B3GALNT2: variants seen among roughly 807,000 people sequenced by gnomAD.
B3GALNT2 encodes the protein beta-1,3-N-acetylgalactosaminyltransferase 2.
In B3GALNT2, 53 loss-of-function variants were observed where a neutral mutation model predicts 61.1. The observed-to-expected ratio is 0.87, with a 90% CI of 0.70 to 1.09. B3GALNT2 has a LOEUF of 1.09. Among genes scored for constraint, B3GALNT2 ranks in the 50% least tolerant of loss-of-function variants. B3GALNT2 has a pLI of 0.00. For missense variants in B3GALNT2, 544 were observed against 623.0 expected, an observed-to-expected ratio of 0.87 and a Z score of 1.35; for synonymous variants, 223 against 237.4, an observed-to-expected ratio of 0.94 and a Z score of 0.56.
At chr1:235,440,146 AT>A in the B3GALNT2 span, among the ~76,000 whole-genome samples, 1 of 151,772 alleles carries the variant, frequency 6.6e-6, no homozygotes, top group Non-Finnish European at 1.5e-5. Flanking sequence ...AATTTTTTGT[AT>A]TTTTAGTAGG....
At chr1:235,487,148 C>T (rs1055265057) in intron 3 of B3GALNT2, among the ~76,000 whole-genome samples, 1 of 142,912 alleles carries the variant, frequency 7.0e-6, no homozygotes, top group African/African-American at 2.7e-5. Context: ...GTGACAAGAG[C>T]GAAACTCTGT....
At chr1:235,440,198 C>T in the B3GALNT2 span, among the ~76,000 whole-genome samples, 1 of 152,140 alleles carries the variant, frequency 6.6e-6, no homozygotes, top group South Asian at 2.1e-4. Context: ...TCTCGATCTC[C>T]TGACCTTGTG....
intron 2 of B3GALNT2, among the ~76,000 whole-genome samples, chr1:235,493,757 G>A (rs1308884688): frequency 1.3e-5 from 2 of 151,160 alleles, no homozygotes; most frequent in African/African-American, 2.4e-5. Flanking sequence ...TAGCTTGAGC[G>A]ACAGCAAAAC....
chr1:235,499,611 G>A (rs572343532), intron 1 of B3GALNT2, among the ~76,000 whole-genome samples: 29 of 152,328 alleles, frequency 1.9e-4, no homozygotes, highest in Non-Finnish European at 3.8e-4. Flanking sequence ...TCACTGACAA[G>A]AGATGGACAG....
At chr1:235,460,675 G>C (rs536818516) in intron 7 of B3GALNT2, among the ~76,000 whole-genome samples, 1 of 151,548 alleles carries the variant, frequency 6.6e-6, no homozygotes, top group Non-Finnish European at 1.5e-5. Context: ...CTGGGCTCAA[G>C]TGATCCTCCC....
rs1685297614 is a variant in B3GALNT2, at chr1:235,495,928, C to T, written c.113-1100G>A. ...AAAGGCCCAATTAAAATAATAAAAA[C>T]AGATCTTTCTACTAGGATAGTTTTA... On this transcript the variant is annotated intron_variant, in intron 1 of 11. Coordinates refer to ENST00000366600, the MANE Select transcript of B3GALNT2 (RefSeq NM_152490.5). 1.3e-5 allele frequency among the ~76,000 whole-genome samples: 2 copies of T among 152,106 alleles called. 1 individual carries two copies. Among genetic ancestry groups the T allele is most frequent in the South Asian group, 4.1e-4 (2 of 4,828 alleles).
intron 6 of B3GALNT2, among the ~76,000 whole-genome samples, chr1:235,469,037 T>C (rs1242939081): frequency 6.6e-6 from 1 of 152,174 alleles, no homozygotes; most frequent in African/African-American, 2.4e-5. Flanking sequence ...ATCCTAAACA[T>C]GGCCTACAAA....
Position 235,474,973 on chromosome 1 carries a change from ATATATATATATATATTTT to A in B3GALNT2, c.652-4031_652-4014del, listed in dbSNP as rs1253229551. ...GACATATATATATATATATATATAT[ATATATATATATATATTTT>A]TTTTTTTTTTTTTTTTTTTGAGACG... On this transcript the variant is annotated intron_variant, in intron 5 of 11. Coordinates refer to ENST00000366600, the MANE Select transcript of B3GALNT2 (RefSeq NM_152490.5). Among the ~76,000 whole-genome samples, 33 of 29,768 alleles carry A rather than the reference ATATATATATATATATTTT, an allele frequency of 1.1e-3. No individual in the cohort carries two copies. In the South Asian group the frequency reaches 0.015, roughly 14 times the overall value. 19.5% of individuals were successfully genotyped at this position (29,768 alleles called of 152,430 possible).
At chr1:235,479,999 C>A in intron 5 of B3GALNT2, 55 bp downstream of exon 5, 1 of 1,602,562 alleles carries the variant, frequency 6.2e-7, no homozygotes. Context: ...AAAGCACACG[C>A]CCACTCCTAT....
chr1:235,468,989 C>T (rs554841448), intron 6 of B3GALNT2, among the ~76,000 whole-genome samples: 30 of 152,124 alleles, frequency 2.0e-4, no homozygotes, highest in Non-Finnish European at 1.2e-4. Context: ...ATGAAATTTA[C>T]CTGTCATAAT....
chr1:235,478,190 T>C (rs551095678), intron 5 of B3GALNT2, among the ~76,000 whole-genome samples: 12 of 152,002 alleles, frequency 7.9e-5, no homozygotes, highest in Middle Eastern at 3.2e-3. Context: ...GTAACTGGGA[T>C]TACAGGAGCC....
rs1021567493 is a variant in B3GALNT2 at position 235,495,432 on chromosome 1, C to T, written c.113-604G>A. ...GGATGACGCTGAAGGACTTCCATACCGGAAAGTAATGCAACCCTTATTTAT... is the reference window on the plus strand; with the variant it reads ...GGATGACGCTGAAGGACTTCCATACTGGAAAGTAATGCAACCCTTATTTAT... On this transcript the variant is annotated intron_variant, in intron 1 of 11. Transcript: ENST00000366600. 5.3e-5 allele frequency among the ~76,000 whole-genome samples: 8 copies of T among 152,070 alleles called. No individual in the cohort carries two copies. In the East Asian group the frequency reaches 1.2e-3, roughly 22 times the overall value.
chr1:235,492,270 C>T (rs909527035), intron 2 of B3GALNT2, among the ~76,000 whole-genome samples: 18 of 152,304 alleles, frequency 1.2e-4, no homozygotes, highest in African/African-American at 4.3e-4. Context: ...AATGTGCTAA[C>T]TAAATTATTG....
In B3GALNT2 at chr1:235,489,121, C is replaced by T. The variant is rs370276705; in HGVS notation, c.361+47G>A. On this transcript the variant is annotated intron_variant, in intron 3 of 11. Transcript: ENST00000366600. The stretch of plus-strand genomic sequence containing the variant: ...ATACTATTAAGCTTAGCAACTTTTA[C>T]TCAACATCAAGCTTGTGTATGGCAG... The T allele has an allele frequency of 4.8e-5, 76 of 1,598,596 alleles. No homozygotes were observed. The African/African-American group carries it at 9.3e-4, about 20-fold the overall frequency.
At chr1:235,486,732 TTAAGA>T (rs2102848664) in intron 3 of B3GALNT2, among the ~76,000 whole-genome samples, 1 of 152,322 alleles carries the variant, frequency 6.6e-6, no homozygotes, top group South Asian at 2.1e-4. Flanking sequence ...ATAACAGCAC[TTAAGA>T]TAATAAAAAT....
At position 235,495,449 on chromosome 1, in the gene B3GALNT2, C is replaced by T. The variant is rs60637648; in HGVS notation, c.113-621G>A. ...TTCCATACCGGAAAGTAATGCAACCCTTATTTATATCAATGAATTCTATAG... is the reference window on the plus strand; with the variant it reads ...TTCCATACCGGAAAGTAATGCAACCTTTATTTATATCAATGAATTCTATAG... On this transcript the variant is annotated intron_variant, in intron 1 of 11. Coordinates refer to ENST00000366600, the MANE Select transcript of B3GALNT2 (RefSeq NM_152490.5). Among the ~76,000 whole-genome samples, 1,141 of 152,144 alleles carry T rather than the reference C, an allele frequency of 7.5e-3. 12 individuals carry two copies. Among genetic ancestry groups the T allele is most frequent in the African/African-American group, 0.026 (1,091 of 41,508 alleles).
chr1:235,439,950 C>T, the B3GALNT2 span, among the ~76,000 whole-genome samples: 1 of 151,782 alleles, frequency 6.6e-6, no homozygotes, highest in Non-Finnish European at 1.5e-5. Flanking sequence ...TACAGGCGCA[C>T]ACCACCATGC....
At chr1:235,481,700 C>T (rs1684572577) in intron 4 of B3GALNT2, among the ~76,000 whole-genome samples, 1 of 151,924 alleles carries the variant, frequency 6.6e-6, no homozygotes, top group Non-Finnish European at 1.5e-5. Flanking sequence ...CAAAAAAATT[C>T]AAGATTAATT....
the B3GALNT2 span, among the ~76,000 whole-genome samples, chr1:235,440,226 T>C: frequency 6.6e-6 from 1 of 152,146 alleles, no homozygotes; most frequent in Admixed American, 6.5e-5. Context: ...CACCTTGGCC[T>C]CCCAGAGTGC....
Sources: allele counts gnomAD v4.1 joint callset (sites outside exome capture counted in the v4.1 genomes callset), GRCh38; gene constraint gnomAD v4.1.1; transcripts MANE v1.5; gene names NCBI Gene and HGNC (gene_info 2026-07-23, HGNC 2026-07-21).